The following NXN variants were observed in gnomAD, a reference collection of about 807,000 sequenced individuals.
The protein encoded by NXN is nucleoredoxin 1.
NXN carries 16 observed loss-of-function variants against 48.6 expected under a neutral mutation model. The observed-to-expected ratio is 0.33, with a 90% confidence interval of 0.22 to 0.50. The LOEUF is 0.50. Ranked by LOEUF, NXN falls within the 20% of genes least tolerant of loss-of-function variation. NXN has a pLI of 0.98. For missense variants in NXN, 492 were observed against 605.5 expected (o/e 0.81, Z 1.97); for synonymous variants, 281 against 269.6 (o/e 1.04, Z -0.41).
At chr17:888,782 C>T (rs1489255737) in intron 1 of NXN, among the ~76,000 whole-genome samples, 1 of 151,600 alleles carries the variant, frequency 6.6e-6, no homozygotes, top group African/African-American at 2.4e-5. Context: ...TGGAGAAACC[C>T]CGTCTCTACT....
At chr17:915,236 T>C (rs62070213) in intron 1 of NXN, among the ~76,000 whole-genome samples, 5,656 of 152,172 alleles carry the variant, frequency 0.037, 318 homozygotes, top group East Asian at 0.26. Context: ...ACCCGGCCAG[T>C]TGAGGATTTT....
chr17:894,742 C>T (rs941906513), intron 1 of NXN, among the ~76,000 whole-genome samples: 5 of 152,348 alleles, frequency 3.3e-5, no homozygotes, highest in South Asian at 2.1e-4. Context: ...TCCGCAGGGA[C>T]GGGCGGAGAC....
intron 5 of NXN, among the ~76,000 whole-genome samples, chr17:806,317 C>G (rs577429732): frequency 4.1e-5 from 6 of 147,552 alleles, no homozygotes; most frequent in Admixed American, 1.3e-4. Context: ...TGCACCCCAG[C>G]TCCCCCCTTC....
chr17:940,327 C>T (rs1254895534), intron 1 of NXN, among the ~76,000 whole-genome samples: 1 of 151,884 alleles, frequency 6.6e-6, no homozygotes, highest in Admixed American at 6.6e-5. Context: ...CTCCTGGGCT[C>T]AAGCTATCTT....
At chr17:942,146 C>G (rs1433083795) in intron 1 of NXN, among the ~76,000 whole-genome samples, 49 of 133,258 alleles carry the variant, frequency 3.7e-4, no homozygotes, top group Admixed American at 8.1e-4. Context: ...CAAACACCTT[C>G]CTGGATTTAC....
At chr17:934,010 C>T (rs145085167) in intron 1 of NXN, among the ~76,000 whole-genome samples, 4 of 152,258 alleles carry the variant, frequency 2.6e-5, no homozygotes, top group Non-Finnish European at 5.9e-5. Context: ...ACAAATGACA[C>T]GATGTTCTCA....
rs1427854409 is a variant in NXN at position 810,143 on chromosome 17, G to A, written c.821-4896C>T. ...CGTGTGAGTGGCGTGCACGTTACGA[G>A]TCTGTGACTGGCGTGCACGTTACGA... On this transcript the variant is annotated intron_variant, in intron 5 of 7. Coordinates refer to ENST00000336868, the MANE Select transcript of NXN (RefSeq NM_022463.5). 3.2e-4 allele frequency among the ~76,000 whole-genome samples: 41 copies of A among 127,664 alleles called. 2 individuals are homozygous for A. Among genetic ancestry groups the A allele is most frequent in the African/African-American group, 1.3e-3 (41 of 32,252 alleles). The allele number at this position is 127,664 out of a possible 152,430, so 83.8% of individuals were successfully genotyped here.
At position 842,553 on chromosome 17, in the gene NXN, C is replaced by T. The variant is rs557072915; in HGVS notation, c.361-16475G>A. 1.7e-4 allele frequency: 168 copies of T among 985,440 alleles called. No individual in the cohort carries two copies. The African/African-American group carries it at 2.6e-3, about 15-fold the overall frequency. 61.0% of individuals were successfully genotyped at this position (985,440 alleles called of 1,614,324 possible). ...CGAAGACGCCAACCAGAGGCACCTA[C>T]GGCACATCCCGAGACACGTGGGGGC... On this transcript the variant is annotated intron_variant, in intron 1 of 7. Transcript: ENST00000336868.
chr17:954,598 G>A (rs561327462), intron 1 of NXN, among the ~76,000 whole-genome samples: 86 of 152,210 alleles, frequency 5.7e-4, no homozygotes, highest in Non-Finnish European at 1.0e-3. Context: ...GAGCAACAGG[G>A]CTGATTCCCA....
At chr17:854,539 C>CA (rs904320145) in intron 1 of NXN, among the ~76,000 whole-genome samples, 1 of 151,510 alleles carries the variant, frequency 6.6e-6, no homozygotes, top group African/African-American at 2.4e-5. Context: ...CCTGTAGTCC[C>CA]AGCTACTTGG....
chr17:827,363 C>T (rs1469134727), intron 1 of NXN, among the ~76,000 whole-genome samples: 1 of 152,102 alleles, frequency 6.6e-6, no homozygotes, highest in African/African-American at 2.4e-5. Context: ...TGGCTCACAC[C>T]TGTAATCCCA....
At chr17:869,197 G>C (rs1213044886) in intron 1 of NXN, among the ~76,000 whole-genome samples, 1 of 152,140 alleles carries the variant, frequency 6.6e-6, no homozygotes, top group Non-Finnish European at 1.5e-5. Flanking sequence ...TCCCAGCACA[G>C]ATCTGTTTCT....
chr17:835,196 T>G (rs1035448461), intron 1 of NXN, among the ~76,000 whole-genome samples: 1 of 150,900 alleles, frequency 6.6e-6, no homozygotes, highest in Non-Finnish European at 1.5e-5. Flanking sequence ...TACTCCCAGC[T>G]ACTCGGGAGG....
intron 1 of NXN, among the ~76,000 whole-genome samples, chr17:947,931 C>G (rs950200249): frequency 5.5e-5 from 8 of 146,680 alleles, no homozygotes; most frequent in South Asian, 2.2e-4. Flanking sequence ...TGCGCCTGTA[C>G]TCCCAGCTAC....
intron 1 of NXN, among the ~76,000 whole-genome samples, chr17:940,168 A>G (rs1212805256): frequency 6.6e-6 from 1 of 151,132 alleles, no homozygotes; most frequent in East Asian, 1.9e-4. Context: ...GGCTGGCCTC[A>G]GGTGATCCTC....
chr17:908,040 C>G (rs1204585971), intron 1 of NXN: 1 of 152,138 alleles, frequency 6.6e-6, no homozygotes, highest in Non-Finnish European at 1.5e-5. Context: ...TGTTCAAAGG[C>G]ATTCCTGCTT....
intron 1 of NXN, among the ~76,000 whole-genome samples, chr17:974,767 G>A (rs982034609): frequency 2.6e-5 from 4 of 151,696 alleles, no homozygotes; most frequent in Non-Finnish European, 5.9e-5. Flanking sequence ...TACAAATGAT[G>A]GAACAAGAAA....
intron 1 of NXN, among the ~76,000 whole-genome samples, chr17:852,520 G>A (rs1290872234): frequency 6.6e-6 from 1 of 152,174 alleles, no homozygotes; most frequent in Non-Finnish European, 1.5e-5. Flanking sequence ...AAAATTTCAG[G>A]GGAGGGGAAA....
intron 1 of NXN, among the ~76,000 whole-genome samples, chr17:842,303 C>T (rs1477947409): frequency 6.6e-6 from 1 of 152,198 alleles, no homozygotes; most frequent in Non-Finnish European, 1.5e-5. Context: ...TATACAGAAA[C>T]AGTCGCTAGT....
Sources: allele counts gnomAD v4.1 joint callset (sites outside exome capture counted in the v4.1 genomes callset), GRCh38; gene constraint gnomAD v4.1.1; transcripts MANE v1.5; gene names NCBI Gene and HGNC (gene_info 2026-07-23, HGNC 2026-07-21).